The following PPARGC1A variants were observed in gnomAD, a reference collection of about 807,000 sequenced individuals.
The protein encoded by PPARGC1A is peroxisome proliferator-activated receptor gamma coactivator 1-alpha.
PPARGC1A carries 25 observed loss-of-function variants against 88.7 expected under a neutral mutation model. The observed-to-expected ratio is 0.28, with a 90% confidence interval of 0.21 to 0.39. The LOEUF is 0.39. Ranked by LOEUF, PPARGC1A falls within the 10% of genes least tolerant of loss-of-function variation. PPARGC1A has a pLI of 1.00. For synonymous variants in PPARGC1A, 363 were observed against 355.6 expected (o/e 1.02, Z -0.24); for missense variants, 880 against 968.7 (o/e 0.91, Z 1.22).
the PPARGC1A span, among the ~76,000 whole-genome samples, chr4:24,450,040 C>T: frequency 0.057 from 8,610 of 152,234 alleles, 302 homozygotes; most frequent in African/African-American, 0.1. Context: ...GGCTTCTCAA[C>T]AAAGAAATAA....
At chr4:24,150,975 G>A in the PPARGC1A span, among the ~76,000 whole-genome samples, 2 of 152,030 alleles carry the variant, frequency 1.3e-5, no homozygotes, top group African/African-American at 2.4e-5. Flanking sequence ...TGTTCCAATT[G>A]CAGTTTCCCA....
chr4:23,871,896 G>T (rs1023986645), intron 2 of PPARGC1A, among the ~76,000 whole-genome samples: 6 of 152,182 alleles, frequency 3.9e-5, no homozygotes, highest in Admixed American at 6.5e-5. Flanking sequence ...ATCTGAAAGA[G>T]ACCTAATTGA....
At chr4:24,379,998 G>A in the PPARGC1A span, among the ~76,000 whole-genome samples, 70 of 151,958 alleles carry the variant, frequency 4.6e-4, no homozygotes, top group Non-Finnish European at 9.6e-4. Flanking sequence ...GGCTGGTCTC[G>A]AACTCCTGAC....
the PPARGC1A span, among the ~76,000 whole-genome samples, chr4:23,990,944 A>T: frequency 6.6e-6 from 1 of 152,112 alleles, no homozygotes; most frequent in East Asian, 1.9e-4. Flanking sequence ...AAATAAAATA[A>T]AAGTATCTAA....
At chr4:24,429,651 A>ATTTT in the PPARGC1A span, among the ~76,000 whole-genome samples, 15 of 132,240 alleles carry the variant, frequency 1.1e-4, no homozygotes, top group East Asian at 4.3e-4. Flanking sequence ...GACAGTGAGA[A>ATTTT]TTTTTTTTTT....
the PPARGC1A span, among the ~76,000 whole-genome samples, chr4:24,222,301 G>A: frequency 2.0e-5 from 3 of 152,206 alleles, no homozygotes; most frequent in African/African-American, 4.8e-5. Context: ...CCTTGAGGTA[G>A]TTAAGAAAAC....
chr4:23,972,881 C>T, the PPARGC1A span, among the ~76,000 whole-genome samples: 6 of 152,142 alleles, frequency 3.9e-5, no homozygotes, highest in African/African-American at 7.2e-5. Context: ...CTTCAGGTGT[C>T]CTACCCTAAG....
the PPARGC1A span, among the ~76,000 whole-genome samples, chr4:23,938,297 G>A: frequency 0.29 from 44,694 of 152,080 alleles, 6,963 homozygotes; most frequent in Non-Finnish European, 0.36. Context: ...TCCCTGGAAG[G>A]TAGAGGCACC....
chr4:24,160,244 G>A, the PPARGC1A span, among the ~76,000 whole-genome samples: 7 of 152,180 alleles, frequency 4.6e-5, no homozygotes, highest in Non-Finnish European at 1.0e-4. Context: ...AACTTTCTAT[G>A]TGCATGTGGG....
At chr4:24,059,231 G>A in the PPARGC1A span, among the ~76,000 whole-genome samples, 2 of 152,122 alleles carry the variant, frequency 1.3e-5, no homozygotes, top group Non-Finnish European at 2.9e-5. Context: ...TTTTTAATGT[G>A]ATGCTATGCT....
the PPARGC1A span, among the ~76,000 whole-genome samples, chr4:24,278,052 G>A: frequency 6.6e-6 from 1 of 152,036 alleles, no homozygotes; most frequent in Non-Finnish European, 1.5e-5. Context: ...GCTCATGCTT[G>A]TAGTCCCAGC....
the PPARGC1A span, among the ~76,000 whole-genome samples, chr4:24,266,842 T>C: frequency 6.6e-6 from 1 of 152,144 alleles, no homozygotes; most frequent in Non-Finnish European, 1.5e-5. Flanking sequence ...CAACACTAAA[T>C]TGAAAAGCAC....
the PPARGC1A span, among the ~76,000 whole-genome samples, chr4:24,121,537 C>A: frequency 7.2e-5 from 11 of 152,084 alleles, no homozygotes; most frequent in African/African-American, 2.7e-4. Flanking sequence ...CTCCGCCATA[C>A]CCTCTTGGAC....
the PPARGC1A span, among the ~76,000 whole-genome samples, chr4:24,076,494 T>C: frequency 1.3e-5 from 2 of 152,124 alleles, no homozygotes; most frequent in Non-Finnish European, 2.9e-5. Flanking sequence ...GTTTATTGAG[T>C]GGGGAATTTC....
chr4:23,862,495 A>G (rs1731382395), intron 2 of PPARGC1A, among the ~76,000 whole-genome samples: 2 of 152,130 alleles, frequency 1.3e-5, no homozygotes, highest in African/African-American at 2.4e-5. Context: ...GTTAGGTAAT[A>G]TTAGTTCTTC....
chr4:24,311,241 A>T, the PPARGC1A span, among the ~76,000 whole-genome samples: 18 of 148,272 alleles, frequency 1.2e-4, no homozygotes, highest in Non-Finnish European at 1.5e-5. Flanking sequence ...CTGGGACTAC[A>T]GGCGCCCGCC....
the PPARGC1A span, among the ~76,000 whole-genome samples, chr4:23,967,151 C>T: frequency 5.3e-5 from 8 of 152,126 alleles, no homozygotes; most frequent in African/African-American, 1.9e-4. Context: ...AAGCCATATG[C>T]AATATCATTA....
At chr4:24,037,260 T>A in the PPARGC1A span, among the ~76,000 whole-genome samples, 1 of 152,244 alleles carries the variant, frequency 6.6e-6, no homozygotes, top group Non-Finnish European at 1.5e-5. Context: ...TAGAAGCTAC[T>A]TCATATGGTC....
At chr4:24,120,324 T>A in the PPARGC1A span, among the ~76,000 whole-genome samples, 1 of 152,122 alleles carries the variant, frequency 6.6e-6, no homozygotes, top group Non-Finnish European at 1.5e-5. Flanking sequence ...GACAGGGATG[T>A]GGCTAGAGAT....
Sources: allele counts gnomAD v4.1 joint callset (sites outside exome capture counted in the v4.1 genomes callset), GRCh38; gene constraint gnomAD v4.1.1; transcripts MANE v1.5; gene names NCBI Gene and HGNC (gene_info 2026-07-23, HGNC 2026-07-21).